The following DEPDC5 variants were observed in gnomAD, a reference collection of about 807,000 sequenced individuals.
DEPDC5 encodes GATOR1 complex protein DEPDC5.
In DEPDC5, 73 loss-of-function variants were observed where a neutral mutation model predicts 217.3. The ratio of observed to expected loss-of-function variants is 0.34; its 90% CI spans 0.28 to 0.41. The LOEUF is 0.41. Among genes scored for constraint, DEPDC5 ranks in the 10% least tolerant of loss-of-function variants. The pLI is 1.00. For missense variants in DEPDC5, 1,675 were observed against 2,070.1 expected (o/e 0.81, Z 3.70); for synonymous variants, 733 against 756.7 (o/e 0.97, Z 0.51).
chr22:31,873,100 C>T, intron 34 of DEPDC5, 155 bp from the exon 35 acceptor site: 2 of 1,440,820 alleles, frequency 1.4e-6, no homozygotes, highest in East Asian at 2.6e-5. Flanking sequence ...TGAGATAACC[C>T]CCTGATATAG....
At chr22:31,757,772 T>G (rs2082056915) in intron 2 of DEPDC5, among the ~76,000 whole-genome samples, 1 of 152,130 alleles carries the variant, frequency 6.6e-6, no homozygotes. Flanking sequence ...TTTTATTTAT[T>G]TATTTTTTTG....
At position 31,893,635 on chromosome 22, in the gene DEPDC5, C is replaced by T. The variant is rs1366893799; in HGVS notation, c.4087C>T (p.Arg1363Cys). 4.3e-6 allele frequency: 7 copies of T among 1,613,796 alleles called. No homozygotes were observed. The highest frequency in any genetic ancestry group is 5.9e-6 in the Non-Finnish European group (7 of 1,179,890). ...TVTLDVDVNN[R>C]TDRLEWCSCY... ...GACCCTGGATGTTGACGTGAACAAC[C>T]GCACAGACCGGCTGGAGTGGTGCAG... is the stretch of plus-strand genomic sequence containing the variant. The change falls in exon 39 of 43, where the codon CGC becomes TGC. Residue 1363 changes from arginine to cysteine, a missense_variant. By Grantham distance (180) the Arg-to-Cys change is radical. Transcript: ENST00000651528.
At chr22:31,874,982 C>T (rs891877820) in intron 36 of DEPDC5, among the ~76,000 whole-genome samples, 9 of 152,120 alleles carry the variant, frequency 5.9e-5, no homozygotes, top group African/African-American at 1.7e-4. Flanking sequence ...GATTTAATTA[C>T]GCTGCTCAGA....
chr22:31,853,942 G>C (rs558821848), intron 31 of DEPDC5, among the ~76,000 whole-genome samples: 1 of 152,330 alleles, frequency 6.6e-6, no homozygotes, highest in African/African-American at 2.4e-5. Context: ...TGTGCCATCT[G>C]CCTGCAGAGG....
Position 31,906,064 on chromosome 22 carries a change from C to T in DEPDC5, c.4517C>T (p.Thr1506Ile). The change falls in exon 42 of 43, where the codon ACA becomes ATA. Residue 1506 changes from threonine to isoleucine, a missense_variant and splice_region_variant. Coordinates refer to ENST00000651528, the MANE Select transcript of DEPDC5 (RefSeq NM_001242896.3). The surrounding 1 kb of genome is among the most constrained non-coding windows in gnomAD (Gnocchi z 5.1). ...AACAAGCCTCAGTATATCCACGTTA[C>T]AGGTGAGGAGCTACGGGCAGAGTTG... ...AENKPQYIHV[T>I]GTVFLQLPYS... 1 of 1,614,178 alleles carries T rather than the reference C, an allele frequency of 6.2e-7. No individual in the cohort carries two copies. The highest frequency in any genetic ancestry group is 8.5e-7 in the Non-Finnish European group (1 of 1,180,024).
At chr22:31,886,116 G>A (rs1468716946) in intron 38 of DEPDC5, among the ~76,000 whole-genome samples, 2 of 152,002 alleles carry the variant, frequency 1.3e-5, no homozygotes, top group African/African-American at 4.8e-5. Flanking sequence ...CAAACTCCTG[G>A]GCTCAAGCAG....
At chr22:31,778,405 C>T (rs1030400857) in intron 8 of DEPDC5, among the ~76,000 whole-genome samples, 4 of 151,938 alleles carry the variant, frequency 2.6e-5, no homozygotes, top group African/African-American at 4.8e-5. Context: ...GAAGAATTAC[C>T]GGGATCCTAG....
rs1296594489 is a variant in DEPDC5, at chr22:31,845,144, C to T, written c.2928C>T (p.Asp976=). 8 of 1,614,028 alleles carry T rather than the reference C, an allele frequency of 5.0e-6. No individual in the cohort carries two copies. The highest frequency in any genetic ancestry group is 2.2e-5 in the East Asian group (1 of 44,900). Residue 976 remains aspartate (D), a synonymous_variant, in exon 30 of 43, where the codon GAC becomes GAT. Coordinates refer to ENST00000651528, the MANE Select transcript of DEPDC5 (RefSeq NM_001242896.3). Reference sequence around the variant, plus strand: ...TCTATGGGGACAGGCCCCGTGCAGACGAGGACGAGTGGCAACTCCTGGATG... The same window carrying T: ...TCTATGGGGACAGGCCCCGTGCAGATGAGGACGAGTGGCAACTCCTGGATG... ...CDIYGDRPRA[D]EDEWQLLDGF... is the part of the protein sequence containing the mutation.
intron 12 of DEPDC5, among the ~76,000 whole-genome samples, chr22:31,793,402 C>G (rs1214027016): frequency 6.6e-6 from 1 of 151,940 alleles, no homozygotes; most frequent in Non-Finnish European, 1.5e-5. Context: ...AGCCCGTATA[C>G]CCAATACCTG....
At chr22:31,754,481 G>T (rs141701164) in intron 1 of DEPDC5, among the ~76,000 whole-genome samples, 1 of 152,266 alleles carries the variant, frequency 6.6e-6, no homozygotes, top group Admixed American at 6.5e-5. Flanking sequence ...CAAGTCCCTT[G>T]CCCGGAGTCA....
At chr22:31,806,741 C>G (rs1225772229) in intron 18 of DEPDC5, among the ~76,000 whole-genome samples, 1 of 152,176 alleles carries the variant, frequency 6.6e-6, no homozygotes, top group East Asian at 1.9e-4. Flanking sequence ...TGCAGTGGCT[C>G]TTGCCTGTAA....
chr22:31,798,099 T>C (rs1830888748), intron 13 of DEPDC5, among the ~76,000 whole-genome samples: 1 of 152,162 alleles, frequency 6.6e-6, no homozygotes, highest in Non-Finnish European at 1.5e-5. Context: ...TTTTTCATTT[T>C]TTTGTAGAGA....
Position 31,823,819 on chromosome 22 carries a change from C to G in DEPDC5, c.2104+1029C>G, listed in dbSNP as rs551484868. 2.6e-5 allele frequency among the ~76,000 whole-genome samples: 4 copies of G among 152,172 alleles called. No individual in the cohort carries two copies. In the East Asian group the frequency reaches 7.7e-4, roughly 29 times the overall value. Reference sequence around the variant, plus strand: ...GAAATATTAAAGTAACCTCTCAAACCAATAGCCAGGTATCCTGACTCAGGC... The same window carrying G: ...GAAATATTAAAGTAACCTCTCAAACGAATAGCCAGGTATCCTGACTCAGGC... On this transcript the variant is annotated intron_variant, in intron 24 of 42. Transcript: ENST00000651528.
intron 18 of DEPDC5, among the ~76,000 whole-genome samples, chr22:31,808,258 ATTTTTTTTTTTT>A (rs961201691): frequency 4.1e-4 from 54 of 133,128 alleles, no homozygotes; most frequent in African/African-American, 1.4e-3. Context: ...ACCATGCCTA[ATTTTTTTTTTTT>A]TTTTTTGAGA....
At chr22:31,847,557 C>A (rs770683476) in intron 31 of DEPDC5, among the ~76,000 whole-genome samples, 13 of 152,170 alleles carry the variant, frequency 8.5e-5, no homozygotes, top group Non-Finnish European at 1.3e-4. Flanking sequence ...GCAAAAAGTG[C>A]AGAGTGAAGG....
intron 8 of DEPDC5, 109 bp downstream of exon 8, chr22:31,778,277 T>A (rs2084086507): frequency 1.8e-6 from 2 of 1,107,264 alleles, no homozygotes; most frequent in East Asian, 2.5e-5. Context: ...GTGGGCAGAT[T>A]GCTTTATCCC....
intron 12 of DEPDC5, among the ~76,000 whole-genome samples, chr22:31,796,366 G>A (rs1193145431): frequency 6.6e-6 from 1 of 152,118 alleles, no homozygotes; most frequent in African/African-American, 2.4e-5. Flanking sequence ...GCCTCCCAGA[G>A]TGCTGGGATT....
chr22:31,778,470 C>T (rs566850651), intron 8 of DEPDC5, among the ~76,000 whole-genome samples: 5 of 152,216 alleles, frequency 3.3e-5, no homozygotes, highest in Admixed American at 2.6e-4. Context: ...GCCTGGGCAA[C>T]AGAGCAAGAC....
At chr22:31,849,637 C>T (rs1230807200) in intron 31 of DEPDC5, among the ~76,000 whole-genome samples, 5 of 151,842 alleles carry the variant, frequency 3.3e-5, no homozygotes, top group Non-Finnish European at 7.4e-5. Flanking sequence ...AAAAATTAGC[C>T]GGGCATGGTG....
Sources: allele counts gnomAD v4.1 joint callset (sites outside exome capture counted in the v4.1 genomes callset), GRCh38; gene constraint gnomAD v4.1.1; non-coding constraint Gnocchi (gnomAD v3.1); transcripts MANE v1.5; gene names NCBI Gene and HGNC (gene_info 2026-07-23, HGNC 2026-07-21).